RBL1: variants seen among roughly 807,000 people sequenced by gnomAD.
The protein encoded by RBL1 is retinoblastoma-like protein 1.
In RBL1, 82 loss-of-function variants were observed where a neutral mutation model predicts 123.0. The observed-to-expected ratio is 0.67, with a 90% CI of 0.56 to 0.80. The LOEUF (loss-of-function observed/expected upper bound fraction) is 0.80, where lower values mean the gene tolerates loss of function less well. Ranked by LOEUF, RBL1 falls within the 30% of genes least tolerant of loss-of-function variation. The pLI is 0.00. For synonymous variants in RBL1, 405 were observed against 441.3 expected (o/e 0.92, Z 1.03); for missense variants, 1,171 against 1,299.6 (o/e 0.90, Z 1.52).
chr20:37,023,736 C>T (rs1308613818), intron 16 of RBL1, among the ~76,000 whole-genome samples: 1 of 150,620 alleles, frequency 6.6e-6, no homozygotes, highest in Non-Finnish European at 1.5e-5. Flanking sequence ...ACTTGATAAC[C>T]GTGATGTGGT....
rs529512196 is a variant in RBL1, at chr20:37,074,806, CAG to C, written c.291-6622_291-6621del. On this transcript the variant is annotated intron_variant, in intron 2 of 21. Transcript: ENST00000373664. ...TGCCACTGCACTCCAGCCTGGGTGA[CAG>C]AGTGAGACTCTGTCTCAAAGAAAAG... Among the ~76,000 whole-genome samples, 30 of 152,222 alleles carry C rather than the reference CAG, an allele frequency of 2.0e-4. No individual in the cohort carries two copies. In the East Asian group the frequency reaches 3.5e-3, roughly 18 times the overall value.
rs1307435495 is a variant in RBL1, at chr20:37,047,851, G to A, written c.1468-661C>T. Reference sequence around the variant, plus strand: ...AAAAATTAGCTGGGTGTGGTGGCGCGTGCCTGTGATCCCAGTTACTCCGGA... The same window carrying A: ...AAAAATTAGCTGGGTGTGGTGGCGCATGCCTGTGATCCCAGTTACTCCGGA... On this transcript the variant is annotated intron_variant, in intron 11 of 21. Transcript: ENST00000373664. Among the ~76,000 whole-genome samples, 15 of 152,000 alleles carry A rather than the reference G, an allele frequency of 9.9e-5. No homozygotes were observed. The South Asian group carries it at 1.0e-3, about 11-fold the overall frequency.
chr20:37,012,637 C>A (rs1453065615), intron 19 of RBL1, among the ~76,000 whole-genome samples: 1 of 146,570 alleles, frequency 6.8e-6, no homozygotes, highest in East Asian at 1.9e-4. Flanking sequence ...GCAGCCACCC[C>A]GTCTGGGAAG....
Position 37,014,087 on chromosome 20 carries a change from T to C in RBL1, c.2722+4192A>G, listed in dbSNP as rs185096865. On this transcript the variant is annotated intron_variant, in intron 19 of 21. Transcript: ENST00000373664. The stretch of plus-strand genomic sequence containing the variant: ...TATCCTCCTACATAACTTTCTCTCT[T>C]TTTTTTTTTTTTTTTTGAGACAGGG... Among the ~76,000 whole-genome samples, 1,365 of 144,016 alleles carry C rather than the reference T, an allele frequency of 9.5e-3. 22 individuals carry two copies. The highest frequency in any genetic ancestry group is 0.032 in the African/African-American group (1,259 of 39,216). The allele number at this position is 144,016 out of a possible 152,430, so 94.5% of individuals were successfully genotyped here.
chr20:37,031,213 A>C (rs1268517061), intron 16 of RBL1, among the ~76,000 whole-genome samples: 1 of 152,190 alleles, frequency 6.6e-6, no homozygotes, highest in Non-Finnish European at 1.5e-5. Context: ...TAAGATTAAA[A>C]ACTTTCATGT....
chr20:37,068,104 G>C lies in RBL1; in HGVS notation c.373C>G (p.Leu125Val). 6.2e-7 allele frequency: 1 copy of C among 1,612,794 alleles called. No individual in the cohort carries two copies. Among genetic ancestry groups the C allele is most frequent in the Non-Finnish European group, 8.5e-7 (1 of 1,179,760 alleles). ...PQEFRERIER[L>V]ERNFEVSTVI... Reference sequence around the variant, plus strand: ...GTAGACACCTCAAAATTTCTCTCTAGCCTTTCTATACGTTCACGAAATTCT... The same window carrying C: ...GTAGACACCTCAAAATTTCTCTCTACCCTTTCTATACGTTCACGAAATTCT... The change falls in exon 3 of 22, where the codon CTA becomes GTA. Residue 125 changes from leucine to valine, a missense_variant. Leu to Val is a conservative substitution (Grantham distance 32, BLOSUM62 1). Coordinates refer to ENST00000373664, the MANE Select transcript of RBL1 (RefSeq NM_002895.5).
chr20:37,050,612 A>G lies in RBL1; in HGVS notation c.1468-3422T>C, dbSNP rs571303445. Among the ~76,000 whole-genome samples the G allele has an allele frequency of 4.0e-5, 6 of 151,664 alleles. No homozygotes were observed. In the East Asian group the frequency reaches 1.2e-3, roughly 29 times the overall value. Reference sequence around the variant, plus strand: ...ATAAAGAAATGGAAAACAAGAGAAGAAATTAAGAAGGTCAATTCAGAAGGT... The same window carrying G: ...ATAAAGAAATGGAAAACAAGAGAAGGAATTAAGAAGGTCAATTCAGAAGGT... On this transcript the variant is annotated intron_variant, in intron 11 of 21. Coordinates refer to ENST00000373664, the MANE Select transcript of RBL1 (RefSeq NM_002895.5).
chr20:37,068,333 A>C (rs1465418267), intron 2 of RBL1, 147 bp from the exon 3 acceptor site: 12 of 1,230,836 alleles, frequency 9.7e-6, no homozygotes, highest in Non-Finnish European at 1.2e-5. Context: ...CTCTACAAAA[A>C]TTTAAAAAAT....
At chr20:37,074,579 G>A (rs545635969) in intron 2 of RBL1, among the ~76,000 whole-genome samples, 2 of 152,278 alleles carry the variant, frequency 1.3e-5, no homozygotes, top group African/African-American at 4.8e-5. Context: ...TGGCAAGAAT[G>A]TGGAGAAACT....
intron 19 of RBL1, among the ~76,000 whole-genome samples, chr20:37,008,472 T>G (rs1260726031): frequency 6.6e-6 from 1 of 152,180 alleles, no homozygotes; most frequent in African/African-American, 2.4e-5. Flanking sequence ...TACCCCAACA[T>G]AGTTTCCTAC....
At chr20:37,069,672 C>T (rs1811964030) in intron 2 of RBL1, among the ~76,000 whole-genome samples, 1 of 151,746 alleles carries the variant, frequency 6.6e-6, no homozygotes, top group African/African-American at 2.4e-5. Flanking sequence ...TGAGGAGCCT[C>T]TCCGCCCGAC....
At chr20:37,062,625 A>G (rs1348570784) in intron 7 of RBL1, among the ~76,000 whole-genome samples, 17 of 130,914 alleles carry the variant, frequency 1.3e-4, no homozygotes, top group Middle Eastern at 4.6e-3. Flanking sequence ...CCAGCCTGGC[A>G]ACAGAACAAG....
At chr20:37,069,026 G>A (rs1175700124) in intron 2 of RBL1, among the ~76,000 whole-genome samples, 1 of 152,270 alleles carries the variant, frequency 6.6e-6, no homozygotes, top group Admixed American at 6.5e-5. Context: ...TTTTGGTGGA[G>A]ACGGGGTTTC....
intron 16 of RBL1, among the ~76,000 whole-genome samples, chr20:37,031,241 C>T (rs142359341): frequency 6.6e-5 from 10 of 151,988 alleles, no homozygotes; most frequent in African/African-American, 1.4e-4. Flanking sequence ...ACACTATCAA[C>T]GGAATGAAAA....
At chr20:37,083,371 G>A (rs1316588746) in intron 2 of RBL1, among the ~76,000 whole-genome samples, 1 of 152,002 alleles carries the variant, frequency 6.6e-6, no homozygotes, top group Non-Finnish European at 1.5e-5. Context: ...AGGAGGGCGT[G>A]GTGGGAGGAT....
At chr20:36,999,475 C>G (rs917709656) in intron 21 of RBL1, among the ~76,000 whole-genome samples, 1 of 147,322 alleles carries the variant, frequency 6.8e-6, no homozygotes, top group Non-Finnish European at 1.5e-5. Context: ...CCCTCTCCCT[C>G]CTCTCCCTCT....
intron 2 of RBL1, among the ~76,000 whole-genome samples, chr20:37,085,647 A>ATTTTTTTTTTTTTTT (rs1202673380): frequency 1.2e-5 from 1 of 84,606 alleles, no homozygotes; most frequent in Non-Finnish European, 2.2e-5. Flanking sequence ...TTGAAATTTG[A>ATTTTTTTTTTTTTTT]TTTTTTTTTT....
intron 15 of RBL1, among the ~76,000 whole-genome samples, chr20:37,034,461 A>G (rs2064569760): frequency 2.0e-5 from 3 of 152,022 alleles, no homozygotes; most frequent in Admixed American, 2.0e-4. Context: ...GAAAGCTCAG[A>G]TAAGAACATT....
rs1416589868 is a variant in RBL1 at position 36,997,560 on chromosome 20, C to G, written c.*1199G>C. On this transcript the variant is annotated 3_prime_UTR_variant, in exon 22 of 22. Transcript: ENST00000373664. ...TGATTTTTAAAAGGTTTAAAATATT[C>G]TTAGGGACTCAATTAGATATTGAGA... 2 of 152,034 alleles carry G rather than the reference C, an allele frequency of 1.3e-5. No homozygotes were observed. The highest frequency in any genetic ancestry group is 1.3e-4 in the Admixed American group (2 of 15,258). 9.4% of individuals were successfully genotyped at this position (152,034 alleles called of 1,614,324 possible).
Sources: allele counts gnomAD v4.1 joint callset (sites outside exome capture counted in the v4.1 genomes callset), GRCh38; gene constraint gnomAD v4.1.1; transcripts MANE v1.5; gene names NCBI Gene and HGNC (gene_info 2026-07-23, HGNC 2026-07-21).